SLC35D4: variants seen among roughly 807,000 people sequenced by gnomAD.
SLC35D4 encodes solute carrier family 35 member D4.
the SLC35D4 span, among the ~76,000 whole-genome samples, chr18:23,252,675 T>C: frequency 6.6e-6 from 1 of 152,186 alleles, no homozygotes; most frequent in African/African-American, 2.4e-5. Flanking sequence ...ACCTGGGAAC[T>C]GACACAGGCA....
chr18:23,264,968 C>A, the SLC35D4 span, among the ~76,000 whole-genome samples: 1 of 152,172 alleles, frequency 6.6e-6, no homozygotes, highest in African/African-American at 2.4e-5. Flanking sequence ...AACCAGATCT[C>A]GTGAGGATTC....
chr18:23,345,481 C>CAAAAAAA, the SLC35D4 span, among the ~76,000 whole-genome samples: 3 of 57,242 alleles, frequency 5.2e-5, no homozygotes, highest in African/African-American at 7.0e-5. Flanking sequence ...GACTCCATCT[C>CAAAAAAA]AAAAAAAAAA....
chr18:23,333,358 ACTCT>A, the SLC35D4 span, among the ~76,000 whole-genome samples: 3 of 152,166 alleles, frequency 2.0e-5, no homozygotes, highest in African/African-American at 7.2e-5. Context: ...AAAATAAGGC[ACTCT>A]CTCAGTGCTT....
the SLC35D4 span, among the ~76,000 whole-genome samples, chr18:23,353,679 A>ACAG: frequency 1.2e-4 from 18 of 152,166 alleles, no homozygotes; most frequent in Non-Finnish European, 2.5e-4. Flanking sequence ...GGGAGGCTGA[A>ACAG]CAGCTATGGA....
At chr18:23,269,754 T>G in the SLC35D4 span, among the ~76,000 whole-genome samples, 1 of 152,200 alleles carries the variant, frequency 6.6e-6, no homozygotes, top group African/African-American at 2.4e-5. Context: ...TGTTGGGAAC[T>G]GGAATAAAGG....
chr18:23,283,335 G>A, the SLC35D4 span, among the ~76,000 whole-genome samples: 2 of 151,842 alleles, frequency 1.3e-5, no homozygotes, highest in Non-Finnish European at 2.9e-5. Context: ...ACAAAAATTA[G>A]CCAGGCATGG....
At chr18:23,300,706 T>C in the SLC35D4 span, among the ~76,000 whole-genome samples, 2 of 152,254 alleles carry the variant, frequency 1.3e-5, no homozygotes, top group East Asian at 3.8e-4. Context: ...ACTATTTAAG[T>C]CAGAGCTTGA....
At chr18:23,339,611 G>A in the SLC35D4 span, among the ~76,000 whole-genome samples, 1 of 152,312 alleles carries the variant, frequency 6.6e-6, no homozygotes, top group Non-Finnish European at 1.5e-5. Flanking sequence ...GGGTGTCTTA[G>A]TCCATCTGGG....
the SLC35D4 span, among the ~76,000 whole-genome samples, chr18:23,267,701 CCCTGCCCCATCCT>C: frequency 1.3e-5 from 2 of 152,298 alleles, no homozygotes; most frequent in East Asian, 3.9e-4. Context: ...ATCTGGGGTC[CCCTGCCCCATCCT>C]CTTTCCTTCC....
At chr18:23,276,324 G>A in the SLC35D4 span, among the ~76,000 whole-genome samples, 57 of 152,086 alleles carry the variant, frequency 3.7e-4, no homozygotes, top group Admixed American at 3.7e-3. Flanking sequence ...TTCTGACCTC[G>A]TGATCCACCC....
the SLC35D4 span, among the ~76,000 whole-genome samples, chr18:23,361,811 T>C: frequency 1.3e-5 from 2 of 152,356 alleles, no homozygotes; most frequent in Non-Finnish European, 2.9e-5. Context: ...TCCGGCATAA[T>C]TAAGCTCCAA....
At chr18:23,284,049 G>A in the SLC35D4 span, among the ~76,000 whole-genome samples, 1 of 152,220 alleles carries the variant, frequency 6.6e-6, no homozygotes, top group African/African-American at 2.4e-5. Context: ...AACTGTCACA[G>A]TGCTGGTGAG....
chr18:23,315,249 C>T, the SLC35D4 span, among the ~76,000 whole-genome samples: 1 of 152,284 alleles, frequency 6.6e-6, no homozygotes, highest in East Asian at 1.9e-4. Context: ...CATCATCTTG[C>T]TTTTGCTCAG....
chr18:23,348,443 C>A, the SLC35D4 span, among the ~76,000 whole-genome samples: 5 of 152,188 alleles, frequency 3.3e-5, no homozygotes, highest in Admixed American at 3.3e-4. Context: ...GTATTGAAAT[C>A]TCCAATTAGT....
At chr18:23,321,532 T>G in the SLC35D4 span, among the ~76,000 whole-genome samples, 6 of 152,034 alleles carry the variant, frequency 3.9e-5, no homozygotes, top group African/African-American at 1.4e-4. Flanking sequence ...CACGGCTCAC[T>G]GCAGCCTTAA....
chr18:23,336,372 G>A, the SLC35D4 span, among the ~76,000 whole-genome samples: 70 of 152,244 alleles, frequency 4.6e-4, no homozygotes, highest in Non-Finnish European at 9.0e-4. Context: ...TATTATTGCC[G>A]AGCGAGAGTC....
At chr18:23,353,836 T>C in the SLC35D4 span, among the ~76,000 whole-genome samples, 17 of 152,194 alleles carry the variant, frequency 1.1e-4, no homozygotes, top group African/African-American at 3.4e-4. Flanking sequence ...CCTTCCCACC[T>C]TTTTGTCTCA....
the SLC35D4 span, among the ~76,000 whole-genome samples, chr18:23,284,097 A>T: frequency 6.6e-6 from 1 of 152,216 alleles, no homozygotes; most frequent in Non-Finnish European, 1.5e-5. Flanking sequence ...TAATTAGAGT[A>T]TAACGAGCAG....
At chr18:23,353,121 G>GTGTGTGTGTGTGTGTGTA in the SLC35D4 span, among the ~76,000 whole-genome samples, 1 of 146,982 alleles carries the variant, frequency 6.8e-6, no homozygotes, top group African/African-American at 2.5e-5. Context: ...GTGTGTGTGT[G>GTGTGTGTGTGTGTGTGTA]TATGTGAGAG....
Sources: allele counts gnomAD v4.1 joint callset (sites outside exome capture counted in the v4.1 genomes callset), GRCh38; gene constraint gnomAD v4.1.1; transcripts MANE v1.5; gene names NCBI Gene and HGNC (gene_info 2026-07-23, HGNC 2026-07-21).